Variants in CAPN3 observed in about 807,000 individuals in gnomAD.
The protein encoded by CAPN3 is calpain-3.
Under a neutral mutation model 114.0 loss-of-function variants are expected in CAPN3, and 88 were observed. The observed-to-expected ratio is 0.77, with a 90% confidence interval of 0.65 to 0.92. The LOEUF (loss-of-function observed/expected upper bound fraction) is 0.92. Ranked by LOEUF, CAPN3 falls within the 40% of genes least tolerant of loss-of-function variation. The pLI, the probability that CAPN3 is intolerant of heterozygous loss-of-function variation, is 0.00. For synonymous variants in CAPN3, 386 were observed against 382.9 expected (o/e 1.01, Z -0.09); for missense variants, 1,028 against 1,069.0 (o/e 0.96, Z 0.53).
At chr15:42,369,696 G>C (rs2052886277) in intron 1 of CAPN3, among the ~76,000 whole-genome samples, 1 of 151,858 alleles carries the variant, frequency 6.6e-6, no homozygotes, top group African/African-American at 2.4e-5. Flanking sequence ...AACAAAATGT[G>C]CCACGCCCAT....
At chr15:42,374,780 C>A (rs77192344) in intron 1 of CAPN3, among the ~76,000 whole-genome samples, 6,097 of 145,322 alleles carry the variant, frequency 0.042, 399 homozygotes, top group African/African-American at 0.13. Flanking sequence ...GCATTGTAAT[C>A]GAATATCATG....
At chr15:42,398,020 TA>T (rs748533994) in intron 9 of CAPN3, among the ~76,000 whole-genome samples, 3 of 150,768 alleles carry the variant, frequency 2.0e-5, no homozygotes, top group African/African-American at 4.9e-5. Flanking sequence ...GACACTGTCT[TA>T]AAAAAAAAGT....
intron 10 of CAPN3, among the ~76,000 whole-genome samples, chr15:42,401,259 G>A (rs1164464933): frequency 2.0e-5 from 3 of 151,964 alleles, no homozygotes; most frequent in African/African-American, 7.3e-5. Context: ...GCGTGTAGGG[G>A]GCAGTTAAAA....
At chr15:42,393,382 G>A (rs2141178541) in intron 7 of CAPN3, among the ~76,000 whole-genome samples, 1 of 152,276 alleles carries the variant, frequency 6.6e-6, no homozygotes, top group East Asian at 1.9e-4. Flanking sequence ...TGACTGTTCT[G>A]TTTTGCTCCT....
chr15:42,385,879 GC>G lies in CAPN3; in HGVS notation c.380-286del, dbSNP rs779905951. The G allele has an allele frequency of 9.8e-5, 62 of 633,136 alleles. No homozygotes were observed. The African/African-American group carries it at 1.0e-3, about 11-fold the overall frequency. The allele number at this position is 633,136 out of a possible 1,614,324, so 39.2% of individuals were successfully genotyped here. A position where few individuals can be genotyped will look rare whatever the true frequency, so the allele number is the denominator to read the frequency against. On this transcript the variant is annotated intron_variant, in intron 2 of 23. Transcript: ENST00000397163. The stretch of plus-strand genomic sequence containing the variant: ...CACCTACTGCTCTGTCTCCATTGAG[GC>G]CTAAAAAGGAAGTGAGTTTATACTG...
rs1566974926 is a variant in CAPN3, at chr15:42,387,630, G to C, written c.499-123G>C. 7 of 1,223,182 alleles carry C rather than the reference G, an allele frequency of 5.7e-6. No homozygotes were observed. In the East Asian group the frequency reaches 1.4e-4, roughly 24 times the overall value. 75.8% of individuals were successfully genotyped at this position (1,223,182 alleles called of 1,614,324 possible). A position where few individuals can be genotyped will look rare whatever the true frequency, so the allele number is the denominator to read the frequency against. On this transcript the variant is annotated intron_variant, in intron 3 of 23. Transcript: ENST00000397163. ...ACAAAATAGGATGAACAGGCACCCAGATGCAGAGTCCAGGAAATGATGCTG... is the reference window on the plus strand; with the variant it reads ...ACAAAATAGGATGAACAGGCACCCACATGCAGAGTCCAGGAAATGATGCTG...
intron 9 of CAPN3, among the ~76,000 whole-genome samples, chr15:42,398,607 AC>A (rs2053769612): frequency 6.7e-6 from 1 of 148,206 alleles, no homozygotes; most frequent in Non-Finnish European, 1.5e-5. Context: ...ACACACACAC[AC>A]ACACACACAC....
intron 6 of CAPN3, 131 bp downstream of exon 6, chr15:42,390,227 G>A (rs889962606): frequency 2.9e-6 from 3 of 1,026,734 alleles, no homozygotes; most frequent in African/African-American, 1.6e-5. Flanking sequence ...CCAAGGGTCT[G>A]GGTTGAAATA....
intron 1 of CAPN3, among the ~76,000 whole-genome samples, chr15:42,363,675 T>C (rs1275352998): frequency 6.6e-6 from 1 of 152,220 alleles, no homozygotes; most frequent in Non-Finnish European, 1.5e-5. Context: ...TGGTAATGTG[T>C]GGTTAACAGT....
chr15:42,390,826 T>C (rs1490650308), intron 6 of CAPN3, among the ~76,000 whole-genome samples: 2 of 150,278 alleles, frequency 1.3e-5, no homozygotes, highest in Non-Finnish European at 3.0e-5. Context: ...AGTCTTGCTC[T>C]ATTCCCTAGG....
At chr15:42,361,602 C>A (rs1192913254) in intron 1 of CAPN3, among the ~76,000 whole-genome samples, 1 of 152,176 alleles carries the variant, frequency 6.6e-6, no homozygotes, top group East Asian at 1.9e-4. Context: ...GAAGATAACA[C>A]TACTCTGCTA....
In CAPN3 at chr15:42,410,452, C is replaced by T; in HGVS notation, c.2140C>T (p.Leu714=). The change falls in exon 20 of 24, where the codon CTG becomes TTG. Residue 714 remains leucine, a synonymous_variant. Coordinates refer to ENST00000397163, the MANE Select transcript of CAPN3 (RefSeq NM_000070.3). Reference sequence around the variant, plus strand: ...GACAGATGGCTCTGGAAAGCTCAACCTGCAGGAGTTCCACCACCTCTGGAA... The same window carrying T: ...GACAGATGGCTCTGGAAAGCTCAACTTGCAGGAGTTCCACCACCTCTGGAA... ...MDTDGSGKLN[L]QEFHHLWNKI... 1.9e-6 allele frequency: 3 copies of T among 1,614,148 alleles called. No homozygotes were observed. Among genetic ancestry groups the T allele is most frequent in the Non-Finnish European group, 2.5e-6 (3 of 1,180,020 alleles).
Position 42,390,157 on chromosome 15 carries a change from T to TAC in CAPN3, c.945+61_945+62insAC. 4 of 1,591,090 alleles carry TAC rather than the reference T, an allele frequency of 2.5e-6. No individual in the cohort carries two copies. In the East Asian group the frequency reaches 8.9e-5, roughly 36 times the overall value. On this transcript the variant is annotated intron_variant, in intron 6 of 23. Transcript: ENST00000397163. ...CTCCAACCCACATGACCCCGCCCTA[T>TAC]TAGTGTCAGACTCCCCTCAGCAGCC...
At chr15:42,390,132 C>G in intron 6 of CAPN3, 36 bp downstream of exon 6, 2 of 1,613,172 alleles carry the variant, frequency 1.2e-6, no homozygotes, top group Non-Finnish European at 1.7e-6. Flanking sequence ...CTGACCATCC[C>G]TCCAACCCAC....
At chr15:42,384,655 G>A (rs961745224) in intron 2 of CAPN3, 103 bp downstream of exon 2, 7 of 880,922 alleles carry the variant, frequency 7.9e-6, no homozygotes, top group Non-Finnish European at 1.2e-5. Context: ...CTTGCTTCCA[G>A]TAACTTTTTG....
At chr15:42,403,044 A>G (rs780146512) in intron 13 of CAPN3, 42 bp downstream of exon 13, 2 of 1,534,416 alleles carry the variant, frequency 1.3e-6, no homozygotes, top group South Asian at 2.2e-5. Flanking sequence ...CTAAAAGCTC[A>G]CATGGCCCAC....
intron 1 of CAPN3, among the ~76,000 whole-genome samples, chr15:42,370,581 G>C (rs2052917751): frequency 6.6e-6 from 1 of 152,110 alleles, no homozygotes; most frequent in Non-Finnish European, 1.5e-5. Flanking sequence ...GAGAAGTGAG[G>C]TCACTGTCCT....
At chr15:42,392,386 C>T (rs1323774072) in intron 6 of CAPN3, among the ~76,000 whole-genome samples, 2 of 152,104 alleles carry the variant, frequency 1.3e-5, no homozygotes, top group African/African-American at 4.8e-5. Flanking sequence ...CACCCCACAT[C>T]CCAGCATCCA....
chr15:42,361,501 A>C (rs1233132450), intron 1 of CAPN3, among the ~76,000 whole-genome samples: 1 of 152,088 alleles, frequency 6.6e-6, no homozygotes, highest in Non-Finnish European at 1.5e-5. Flanking sequence ...AACAAACCTG[A>C]GGTGGAGTAC....
Sources: allele counts gnomAD v4.1 joint callset (sites outside exome capture counted in the v4.1 genomes callset), GRCh38; gene constraint gnomAD v4.1.1; transcripts MANE v1.5; gene names NCBI Gene and HGNC (gene_info 2026-07-23, HGNC 2026-07-21).